Variants in SPATA13 observed in about 807,000 individuals in gnomAD.
SPATA13 encodes the protein spermatogenesis associated 13, also known as spermatogenesis-associated protein 13.
Under a neutral mutation model 104.0 loss-of-function variants are expected in SPATA13, and 50 were observed. The observed-to-expected ratio is 0.48, with a 90% CI of 0.38 to 0.61. The LOEUF is 0.61. Among genes scored for constraint, SPATA13 ranks in the 20% least tolerant of loss-of-function variants. The pLI is 0.00. For synonymous variants in SPATA13, 606 were observed against 667.5 expected (o/e 0.91, Z 1.42); for missense variants, 1,524 against 1,690.6 (o/e 0.90, Z 1.73).
chr13:24,300,279 T>C (rs1877091154), intron 11 of SPATA13, 122 bp from the exon 12 acceptor site: 1 of 698,470 alleles, frequency 1.4e-6, no homozygotes, highest in Non-Finnish European at 2.4e-6. Flanking sequence ...TCTTTGAGGA[T>C]TAAGGTTCTC....
chr13:24,194,345 C>G (rs1192460188), intron 1 of SPATA13, among the ~76,000 whole-genome samples: 1 of 152,198 alleles, frequency 6.6e-6, no homozygotes, highest in Non-Finnish European at 1.5e-5. Flanking sequence ...CCTGAGATTG[C>G]TCCTTTGCCT....
intron 3 of SPATA13, among the ~76,000 whole-genome samples, chr13:24,084,615 G>A (rs1322283317): frequency 7.9e-5 from 12 of 152,142 alleles, no homozygotes; most frequent in Non-Finnish European, 1.6e-4. Flanking sequence ...CTGTCCTGAG[G>A]GTCTCTGGTG....
Position 24,297,567 on chromosome 13 carries a change from G to A in SPATA13, c.3415G>A (p.Asp1139Asn), listed in dbSNP as rs753692252. The A allele has an allele frequency of 6.2e-6, 10 of 1,614,120 alleles. No individual in the cohort carries two copies. The African/African-American group carries it at 8.0e-5, about 13-fold the overall frequency. Reference protein sequence around the residue: ...MDEMELVDLGDGRDKDCNLSV... With the variant: ...MDEMELVDLGNGRDKDCNLSV... ...TGAGATGGAGCTTGTGGACCTGGGG[G>A]ATGGGCGCGACAAGGACTGCAACCT... The change falls in exon 11 of 13, where the codon GAT becomes AAT. Residue 1139 changes from aspartate (D) to asparagine (N), a missense_variant. This residue lies in a region of SPATA13 where 435 missense variants were observed against 554.8 expected (regional missense o/e 0.78). Transcript: ENST00000382108.
chr13:24,221,487 A>T (rs2861541), intron 1 of SPATA13, among the ~76,000 whole-genome samples: 40,511 of 151,798 alleles, frequency 0.27, 5,744 homozygotes, highest in Middle Eastern at 0.37. Flanking sequence ...AAGGGGGAGC[A>T]GGATTTTCAT....
rs61316306 is a variant in SPATA13 at position 24,245,584 on chromosome 13, C to CTTTT, written c.1654-3872_1654-3869dup. On this transcript the variant is annotated intron_variant, in intron 2 of 12. Coordinates refer to ENST00000382108, the MANE Select transcript of SPATA13 (RefSeq NM_001166271.3). ...ACTGAACGTAGAATTACAGTTGTTT[C>CTTTT]TTTTTTTTTTTTTTTTTTTTTTTTA... 3.7e-3 allele frequency among the ~76,000 whole-genome samples: 325 copies of CTTTT among 88,590 alleles called. 3 individuals carry two copies. The highest frequency in any genetic ancestry group is 8.9e-3 in the Middle Eastern group (1 of 112). 58.1% of individuals were successfully genotyped at this position (88,590 alleles called of 152,430 possible). A position where few individuals can be genotyped will look rare whatever the true frequency, so the allele number is the denominator to read the frequency against.
At chr13:24,038,209 G>T (rs535199019) in intron 3 of SPATA13, among the ~76,000 whole-genome samples, 2 of 152,114 alleles carry the variant, frequency 1.3e-5, no homozygotes, top group Non-Finnish European at 2.9e-5. Flanking sequence ...CACCGCGCCC[G>T]GCCAACTAGG....
intron 1 of SPATA13, among the ~76,000 whole-genome samples, chr13:24,180,574 T>C (rs1240167764): frequency 1.3e-5 from 2 of 152,230 alleles, no homozygotes; most frequent in African/African-American, 4.8e-5. Context: ...TGTAGCTGAA[T>C]TTGGGATGCA....
chr13:24,022,435 A>G (rs976250944), intron 3 of SPATA13, among the ~76,000 whole-genome samples: 2 of 152,378 alleles, frequency 1.3e-5, no homozygotes, highest in African/African-American at 4.8e-5. Flanking sequence ...TAAGATAGAA[A>G]TGAGTACTTC....
intron 3 of SPATA13, among the ~76,000 whole-genome samples, chr13:24,132,776 C>G (rs1881428135): frequency 6.6e-6 from 1 of 152,090 alleles, no homozygotes; most frequent in Non-Finnish European, 1.5e-5. Context: ...GAGTTCGAGA[C>G]CAGCCTGGCC....
intron 2 of SPATA13, among the ~76,000 whole-genome samples, chr13:24,225,781 G>C (rs1003542731): frequency 1.3e-5 from 2 of 152,210 alleles, no homozygotes; most frequent in Non-Finnish European, 2.9e-5. Context: ...CAGTCCAGGG[G>C]CATGTCACTG....
intron 3 of SPATA13, among the ~76,000 whole-genome samples, chr13:24,112,094 C>T (rs1880658119): frequency 6.6e-6 from 1 of 152,160 alleles, no homozygotes; most frequent in Non-Finnish European, 1.5e-5. Flanking sequence ...CTCTAGTTGG[C>T]CCACAGGACA....
intron 9 of SPATA13, among the ~76,000 whole-genome samples, chr13:24,292,423 A>C (rs1876456885): frequency 6.6e-6 from 1 of 152,178 alleles, no homozygotes; most frequent in Non-Finnish European, 1.5e-5. Flanking sequence ...CCAGGGGCGC[A>C]GGGGTCTAGG....
At chr13:24,109,788 AT>A (rs1880577136) in intron 3 of SPATA13, among the ~76,000 whole-genome samples, 1 of 152,016 alleles carries the variant, frequency 6.6e-6, no homozygotes, top group Admixed American at 6.6e-5. Flanking sequence ...TTGTTTGTAC[AT>A]TTTACTCTGG....
At chr13:24,292,995 CAAAAAAAAAAA>C (rs34221097) in intron 9 of SPATA13, among the ~76,000 whole-genome samples, 48 of 23,930 alleles carry the variant, frequency 2.0e-3, no homozygotes, top group Non-Finnish European at 2.6e-3. Context: ...GACTTTGTCT[CAAAAAAAAAAA>C]AAAAAAAAAA....
intron 7 of SPATA13, among the ~76,000 whole-genome samples, chr13:24,287,510 T>C (rs904226395): frequency 6.6e-6 from 1 of 152,188 alleles, no homozygotes; most frequent in African/African-American, 2.4e-5. Context: ...ACCTAATTCC[T>C]GAGATTATTT....
At chr13:24,201,392 T>C (rs1870394582) in intron 1 of SPATA13, among the ~76,000 whole-genome samples, 1 of 152,072 alleles carries the variant, frequency 6.6e-6, no homozygotes. Context: ...TTCTTACAAT[T>C]GATGGGTCAA....
Position 24,300,475 on chromosome 13 carries a change from G to C in SPATA13, c.3658G>C (p.Gly1220Arg). The change falls in exon 12 of 13, where the codon GGC (glycine) becomes CGC (arginine). Residue 1220 changes from glycine to arginine, a missense_variant and splice_region_variant. Physicochemically the swap from Gly to Arg is moderately radical, Grantham distance 125. Transcript: ENST00000382108. ...AAAGGCAGGACATGGAAAGTCAAAA[G>C]GTAAGTTATGGAGAAGGCTTTGTCC... ...AQKAGHGKSK[G>R]YNRCPVAPPH... 1.2e-6 allele frequency: 2 copies of C among 1,613,828 alleles called. No individual in the cohort carries two copies. Among genetic ancestry groups the C allele is most frequent in the Middle Eastern group, 1.6e-4 (1 of 6,062 alleles).
chr13:24,204,189 T>C (rs991568980), intron 1 of SPATA13, among the ~76,000 whole-genome samples: 1 of 152,176 alleles, frequency 6.6e-6, no homozygotes, highest in African/African-American at 2.4e-5. Flanking sequence ...ATGTGTTAGA[T>C]ACAGTTACAG....
intron 2 of SPATA13, among the ~76,000 whole-genome samples, chr13:23,992,088 G>A (rs1291517423): frequency 6.6e-6 from 1 of 152,162 alleles, no homozygotes; most frequent in Non-Finnish European, 1.5e-5. Flanking sequence ...TTAGAATAGT[G>A]AGGCCCATTT....
Sources: allele counts gnomAD v4.1 joint callset (sites outside exome capture counted in the v4.1 genomes callset), GRCh38; gene constraint gnomAD v4.1.1; regional missense constraint gnomAD v4.1.1; transcripts MANE v1.5; gene names NCBI Gene and HGNC (gene_info 2026-07-23, HGNC 2026-07-21).